FER: variants seen among roughly 807,000 people sequenced by gnomAD.
FER encodes the protein FER tyrosine kinase.
FER carries 63 observed loss-of-function variants against 111.0 expected under a neutral mutation model. The observed-to-expected ratio is 0.57, with a 90% CI of 0.46 to 0.70. FER has a LOEUF of 0.70. Ranked by LOEUF, FER falls within the 30% of genes least tolerant of loss-of-function variation. FER has a pLI of 0.00. For missense variants in FER, 914 were observed against 954.0 expected (o/e 0.96, Z 0.55); for synonymous variants, 327 against 313.9 (o/e 1.04, Z -0.44).
At chr5:109,000,560 TA>T (rs1764629891) in intron 13 of FER, among the ~76,000 whole-genome samples, 1 of 151,772 alleles carries the variant, frequency 6.6e-6, no homozygotes, top group African/African-American at 2.4e-5. Context: ...AGGAAAGATC[TA>T]AAATTGACAC....
At chr5:108,763,404 T>A (rs1751978656) in intron 1 of FER, among the ~76,000 whole-genome samples, 1 of 152,200 alleles carries the variant, frequency 6.6e-6, no homozygotes, top group African/African-American at 2.4e-5. Flanking sequence ...GGCCAGGTGT[T>A]TACCTACACA....
At chr5:109,181,558 T>C (rs1206286277) in intron 18 of FER, among the ~76,000 whole-genome samples, 1 of 152,200 alleles carries the variant, frequency 6.6e-6, no homozygotes, top group Non-Finnish European at 1.5e-5. Context: ...TTAGAAATTA[T>C]ATTTTCATTA....
intron 5 of FER, among the ~76,000 whole-genome samples, chr5:108,846,702 C>A (rs1267475905): frequency 1.3e-5 from 2 of 152,104 alleles, no homozygotes; most frequent in African/African-American, 4.8e-5. Flanking sequence ...CCTGTCTCAG[C>A]CTCCCAAGTA....
chr5:108,841,197 C>T (rs912366521), intron 5 of FER, among the ~76,000 whole-genome samples: 2 of 152,186 alleles, frequency 1.3e-5, no homozygotes, highest in Non-Finnish European at 2.9e-5. Flanking sequence ...AAGAAAGCCT[C>T]TTGCTCAGGG....
intron 5 of FER, among the ~76,000 whole-genome samples, chr5:108,848,442 T>C (rs1013132650): frequency 1.3e-5 from 2 of 152,168 alleles, no homozygotes; most frequent in Admixed American, 6.5e-5. Flanking sequence ...TGAACATTTT[T>C]CTGAAGATTC....
chr5:108,874,970 A>G (rs1764940900), intron 8 of FER, among the ~76,000 whole-genome samples: 1 of 151,924 alleles, frequency 6.6e-6, no homozygotes, highest in South Asian at 2.1e-4. Context: ...TTGGCAAATT[A>G]TATTTGTGAA....
chr5:108,838,593 A>T (rs148868786), intron 5 of FER, among the ~76,000 whole-genome samples: 23 of 152,350 alleles, frequency 1.5e-4, no homozygotes, highest in African/African-American at 5.0e-4. Context: ...CTGAAACTAC[A>T]AACCCCTGAC....
chr5:108,978,432 G>A (rs774828082), intron 13 of FER, among the ~76,000 whole-genome samples: 3 of 152,068 alleles, frequency 2.0e-5, no homozygotes, highest in African/African-American at 4.8e-5. Context: ...GTAACGCTGC[G>A]CTCTTTCTTG....
intron 17 of FER, among the ~76,000 whole-genome samples, chr5:109,170,574 G>A (rs980144123): frequency 6.6e-6 from 1 of 152,126 alleles, no homozygotes; most frequent in Non-Finnish European, 1.5e-5. Flanking sequence ...TGATTGTTAG[G>A]ATTAGGGATA....
intron 17 of FER, among the ~76,000 whole-genome samples, chr5:109,114,338 A>G (rs965213526): frequency 6.6e-6 from 1 of 152,140 alleles, no homozygotes; most frequent in Non-Finnish European, 1.5e-5. Context: ...CAGATGTTTG[A>G]GTAGAAAGAA....
chr5:108,796,700 G>A (rs1043104413), intron 2 of FER, among the ~76,000 whole-genome samples: 13 of 151,966 alleles, frequency 8.6e-5, no homozygotes, highest in African/African-American at 1.2e-4. Flanking sequence ...TGATGTTGAC[G>A]TGAGGCCCAA....
chr5:109,160,791 CCAATTGTG>C (rs1281933766), intron 17 of FER, among the ~76,000 whole-genome samples: 1 of 152,044 alleles, frequency 6.6e-6, no homozygotes, highest in African/African-American at 2.4e-5. Context: ...TGGGACCAGA[CCAATTGTG>C]TAGCTGTATA....
At chr5:109,133,505 A>T (rs1752580725) in intron 17 of FER, among the ~76,000 whole-genome samples, 1 of 152,204 alleles carries the variant, frequency 6.6e-6, no homozygotes, top group Non-Finnish European at 1.5e-5. Context: ...CAATATTTTT[A>T]AAAATATTTG....
intron 10 of FER, among the ~76,000 whole-genome samples, chr5:108,940,898 C>T (rs772358113): frequency 6.6e-6 from 1 of 152,034 alleles, no homozygotes. Context: ...ATAAGAGCCC[C>T]TTCCCAAACT....
chr5:109,183,525 A>G (rs536382489), intron 18 of FER, among the ~76,000 whole-genome samples: 11 of 152,298 alleles, frequency 7.2e-5, no homozygotes, highest in Non-Finnish European at 1.0e-4. Flanking sequence ...CTGGGATTAC[A>G]GGCGTGAGCT....
chr5:109,166,815 A>AATGAGAGGGACT (rs1756605502), intron 17 of FER, among the ~76,000 whole-genome samples: 1 of 152,140 alleles, frequency 6.6e-6, no homozygotes, highest in Admixed American at 6.6e-5. Context: ...CTCTCATTCG[A>AATGAGAGGGACT]CATGGTTTCT....
At chr5:108,819,848 C>T (rs1580712891) in intron 3 of FER, 3 of 985,090 alleles carry the variant, frequency 3.0e-6, no homozygotes, top group East Asian at 1.1e-4. Context: ...TAATTTTTTT[C>T]CCCCAGAAGT....
At chr5:108,811,557 A>T (rs1291552363) in intron 3 of FER, among the ~76,000 whole-genome samples, 3 of 152,144 alleles carry the variant, frequency 2.0e-5, no homozygotes, top group Non-Finnish European at 2.9e-5. Context: ...CAGTAAAGTG[A>T]AGATGGTTGA....
intron 17 of FER, among the ~76,000 whole-genome samples, chr5:109,164,634 T>G (rs957505400): frequency 1.3e-5 from 2 of 152,206 alleles, no homozygotes; most frequent in African/African-American, 4.8e-5. Flanking sequence ...CATTAACATA[T>G]CTTTTTCATG....
Sources: allele counts gnomAD v4.1 joint callset (sites outside exome capture counted in the v4.1 genomes callset), GRCh38; gene constraint gnomAD v4.1.1; transcripts MANE v1.5; gene names NCBI Gene and HGNC (gene_info 2026-07-23, HGNC 2026-07-21).